Variants in CD109 observed in about 807,000 individuals in gnomAD.
The protein encoded by CD109 is CD109 molecule.
CD109 carries 149 observed loss-of-function variants against 165.8 expected under a neutral mutation model. That is an observed-to-expected ratio of 0.90 (90% confidence interval 0.79 to 1.03). CD109 has a LOEUF of 1.03. Ranked by LOEUF, CD109 falls within the 50% of genes least tolerant of loss-of-function variation. CD109 has a pLI of 0.00. For missense variants in CD109, 1,712 were observed against 1,677.8 expected (o/e 1.02, Z -0.36); for synonymous variants, 585 against 592.1 (o/e 0.99, Z 0.18).
chr6:73,725,755 C>T (rs552305717), intron 3 of CD109, among the ~76,000 whole-genome samples: 1 of 152,170 alleles, frequency 6.6e-6, no homozygotes, highest in African/African-American at 2.4e-5. Flanking sequence ...TCAAGTAATC[C>T]GCCTGCCTCG....
chr6:73,704,887 G>T (rs7774274), intron 2 of CD109, among the ~76,000 whole-genome samples: 59,555 of 151,926 alleles, frequency 0.39, 12,691 homozygotes, highest in Non-Finnish European at 0.5. Context: ...ATACAATGCG[G>T]TTTGTAAATA....
intron 5 of CD109, among the ~76,000 whole-genome samples, chr6:73,748,861 A>G (rs933468079): frequency 1.3e-5 from 2 of 152,212 alleles, no homozygotes; most frequent in Non-Finnish European, 2.9e-5. Context: ...TGCAAACCCT[A>G]TTGACTCTGT....
At chr6:73,700,410 C>T (rs9446985) in intron 2 of CD109, among the ~76,000 whole-genome samples, 1,738 of 152,144 alleles carry the variant, frequency 0.011, 29 homozygotes, top group African/African-American at 0.04. Flanking sequence ...CCCCAGCCCC[C>T]CAACAGAAGG....
intron 17 of CD109, among the ~76,000 whole-genome samples, chr6:73,782,052 A>G (rs1413572455): frequency 6.6e-6 from 1 of 152,292 alleles, no homozygotes; most frequent in East Asian, 1.9e-4. Flanking sequence ...TACTAACATC[A>G]TCTTGAAAGG....
rs113225855 is a variant in CD109, at chr6:73,736,793, GCA to G, written c.633+286_633+287del. ...CACAATGTTTACTTATTTGTTTCATGCATTATTTTAAAACTAAGTAATGAACA... is the reference window on the plus strand; with the variant it reads ...CACAATGTTTACTTATTTGTTTCATGTTATTTTAAAACTAAGTAATGAACA... On this transcript the variant is annotated intron_variant, in intron 5 of 32. Transcript: ENST00000287097. Among the ~76,000 whole-genome samples the G allele has an allele frequency of 3.2e-4, 48 of 152,260 alleles. 5 individuals carry two copies. The highest frequency in any genetic ancestry group is 1.2e-3 in the African/African-American group (48 of 41,562).
At chr6:73,760,547 T>A (rs761730879) in intron 7 of CD109, among the ~76,000 whole-genome samples, 14 of 151,778 alleles carry the variant, frequency 9.2e-5, no homozygotes, top group Non-Finnish European at 1.9e-4. Flanking sequence ...AATATTTGAC[T>A]TACGAAGCTA....
At chr6:73,697,260 G>C (rs570124893) in intron 1 of CD109, 140 bp from the exon 2 acceptor site, 1 of 654,638 alleles carries the variant, frequency 1.5e-6, no homozygotes, top group Admixed American at 2.9e-5. Context: ...TTGCCAAATA[G>C]AGCAGTGGGC....
chr6:73,753,911 C>G (rs1449281456), intron 5 of CD109, among the ~76,000 whole-genome samples: 1 of 152,186 alleles, frequency 6.6e-6, no homozygotes, highest in Non-Finnish European at 1.5e-5. Context: ...TTCATTTATA[C>G]TTATGTTTAT....
At chr6:73,766,535 GTA>G (rs61670174) in intron 11 of CD109, among the ~76,000 whole-genome samples, 73,440 of 146,434 alleles carry the variant, frequency 0.5, 18,395 homozygotes, top group African/African-American at 0.6. Context: ...ATGTGTGTGT[GTA>G]TATATATATA....
chr6:73,808,045 A>T, intron 25 of CD109, 38 bp from the exon 26 acceptor site: 1 of 1,588,486 alleles, frequency 6.3e-7, no homozygotes. Context: ...GTAATGGGTT[A>T]CTCTGAATAG....
At chr6:73,767,361 T>C (rs1773891121) in intron 13 of CD109, among the ~76,000 whole-genome samples, 1 of 152,220 alleles carries the variant, frequency 6.6e-6, no homozygotes, top group African/African-American at 2.4e-5. Context: ...TCCAGCTCCA[T>C]CCATCTTCCT....
At chr6:73,729,845 G>A (rs187598202) in intron 3 of CD109, among the ~76,000 whole-genome samples, 2 of 152,184 alleles carry the variant, frequency 1.3e-5, no homozygotes, top group East Asian at 3.9e-4. Context: ...AGTAGTAGAA[G>A]TAGCAGCATC....
In CD109 at chr6:73,825,625, T is replaced by A. The variant is rs1776248075; in HGVS notation, c.*1992T>A. ...TGTATCTTTTTTAGACCATATTTCC[T>A]TGTTTAAAAACTATCATTTGAATAC... On this transcript the variant is annotated 3_prime_UTR_variant, in exon 33 of 33. Transcript: ENST00000287097. The A allele has an allele frequency of 6.6e-6, 1 of 152,238 alleles. No homozygotes were observed. The highest frequency in any genetic ancestry group is 2.4e-5 in the African/African-American group (1 of 41,462). 9.4% of individuals were successfully genotyped at this position (152,238 alleles called of 1,614,324 possible).
At chr6:73,772,362 G>A (rs545757843) in intron 15 of CD109, among the ~76,000 whole-genome samples, 12 of 151,928 alleles carry the variant, frequency 7.9e-5, no homozygotes, top group Non-Finnish European at 1.0e-4. Flanking sequence ...AAAATTAGCC[G>A]GGCGCGGTGG....
At chr6:73,794,374 C>T (rs942261037) in intron 23 of CD109, among the ~76,000 whole-genome samples, 10 of 152,142 alleles carry the variant, frequency 6.6e-5, no homozygotes, top group South Asian at 4.2e-4. Flanking sequence ...GGAATCGGGA[C>T]GGGATGCTTG....
intron 2 of CD109, among the ~76,000 whole-genome samples, chr6:73,705,607 A>G (rs1771237170): frequency 6.6e-6 from 1 of 151,254 alleles, no homozygotes. Flanking sequence ...GTAACAAAGC[A>G]TGGCCCTGTC....
At chr6:73,768,871 T>C (rs953090142) in intron 14 of CD109, among the ~76,000 whole-genome samples, 2 of 152,244 alleles carry the variant, frequency 1.3e-5, no homozygotes, top group Non-Finnish European at 2.9e-5. Flanking sequence ...CACTAACAAC[T>C]GCTGCCCTCT....
At chr6:73,704,370 C>T (rs1048361814) in intron 2 of CD109, among the ~76,000 whole-genome samples, 7 of 152,142 alleles carry the variant, frequency 4.6e-5, no homozygotes, top group African/African-American at 1.7e-4. Context: ...GGAGGGAAGG[C>T]TCCTCGTGGA....
intron 2 of CD109, among the ~76,000 whole-genome samples, chr6:73,703,387 A>C (rs993277754): frequency 1.3e-5 from 2 of 152,244 alleles, no homozygotes; most frequent in Non-Finnish European, 2.9e-5. Flanking sequence ...TTTCAGCCTC[A>C]TAGAGTTTTG....
Sources: gnomAD v4.1 joint callset for allele counts (sites outside exome capture counted in the v4.1 genomes callset) on GRCh38, gnomAD v4.1.1 for gene constraint, MANE v1.5 for transcripts, NCBI Gene and HGNC (gene_info 2026-07-23, HGNC 2026-07-21) for gene names.